Variants in ERC1 observed in about 807,000 individuals in gnomAD.
ERC1 encodes RAB6 interacting protein 2.
ERC1 carries 56 observed loss-of-function variants against 132.0 expected under a neutral mutation model. That is an observed-to-expected ratio of 0.42 (90% confidence interval 0.34 to 0.53). ERC1 has a LOEUF of 0.53. Ranked by LOEUF, ERC1 falls within the 20% of genes least tolerant of loss-of-function variation. The pLI is 0.03. For synonymous variants in ERC1, 478 were observed against 476.1 expected, an observed-to-expected ratio of 1.00 and a Z score of -0.05; for missense variants, 1,202 against 1,349.9, an observed-to-expected ratio of 0.89 and a Z score of 1.72.
At chr12:1,240,233 AAC>A (rs1375242235) in intron 13 of ERC1, among the ~76,000 whole-genome samples, 2 of 152,204 alleles carry the variant, frequency 1.3e-5, no homozygotes, top group African/African-American at 4.8e-5. Flanking sequence ...CCAGTGCCCT[AAC>A]ACTGGGATTT....
At chr12:1,265,717 G>A (rs537005191) in intron 14 of ERC1, among the ~76,000 whole-genome samples, 6 of 152,140 alleles carry the variant, frequency 3.9e-5, no homozygotes, top group African/African-American at 1.4e-4. Flanking sequence ...ATGCCCCACC[G>A]ATTTATTCCT....
intron 17 of ERC1, among the ~76,000 whole-genome samples, chr12:1,433,680 C>T (rs1261097677): frequency 7.2e-5 from 11 of 152,118 alleles, no homozygotes; most frequent in Admixed American, 6.6e-4. Flanking sequence ...AACAAGATGG[C>T]GGAGACTTTA....
intron 2 of ERC1, among the ~76,000 whole-genome samples, chr12:1,039,271 A>G (rs1280159573): frequency 6.0e-5 from 9 of 151,176 alleles, no homozygotes; most frequent in South Asian, 4.2e-4. Context: ...CGGGAGGCGG[A>G]GTTTGCAGTC....
chr12:996,990 C>T (rs557662032), intron 1 of ERC1, among the ~76,000 whole-genome samples: 1 of 152,312 alleles, frequency 6.6e-6, no homozygotes, highest in African/African-American at 2.4e-5. Context: ...GCGGTTATAG[C>T]TTACTGCAAC....
intron 16 of ERC1, among the ~76,000 whole-genome samples, chr12:1,394,208 G>A (rs1038899948): frequency 2.3e-4 from 34 of 150,816 alleles, no homozygotes; most frequent in South Asian, 6.3e-4. Flanking sequence ...AGACCATCCT[G>A]GCTAACACGG....
intron 18 of ERC1, among the ~76,000 whole-genome samples, chr12:1,477,189 A>G (rs2093991355): frequency 6.6e-6 from 1 of 152,108 alleles, no homozygotes; most frequent in African/African-American, 2.4e-5. Flanking sequence ...TACATGTGAT[A>G]TTTTCTGTGA....
At chr12:1,476,059 C>G (rs1176752815) in intron 18 of ERC1, among the ~76,000 whole-genome samples, 1 of 151,594 alleles carries the variant, frequency 6.6e-6, no homozygotes, top group African/African-American at 2.4e-5. Flanking sequence ...GTCAGGAGAT[C>G]GAGACCATCC....
At chr12:1,490,047 A>T (rs745644639) in intron 18 of ERC1, 46 bp from the exon 19 acceptor site, 2 of 1,598,032 alleles carry the variant, frequency 1.3e-6, no homozygotes, top group Admixed American at 1.7e-5. Flanking sequence ...AGCTCAGTGC[A>T]AATGGGATTG....
intron 15 of ERC1, among the ~76,000 whole-genome samples, chr12:1,330,760 C>G (rs562517633): frequency 3.3e-4 from 51 of 152,252 alleles, no homozygotes; most frequent in Admixed American, 3.3e-3. Context: ...CTCCCAAATA[C>G]TGTTTTCTCT....
intron 7 of ERC1, among the ~76,000 whole-genome samples, chr12:1,127,891 G>A (rs4372511): frequency 0.61 from 93,330 of 151,960 alleles, 30,969 homozygotes; most frequent in East Asian, 0.87. Flanking sequence ...AGTGAGATAG[G>A]GATCTGAAGC....
intron 18 of ERC1, among the ~76,000 whole-genome samples, chr12:1,472,053 C>G (rs2093873482): frequency 6.6e-6 from 1 of 152,160 alleles, no homozygotes; most frequent in Non-Finnish European, 1.5e-5. Flanking sequence ...GCTGATGAGT[C>G]TAAATTTCAG....
At chr12:1,167,712 CTTTTCTTTTTTT>C (rs1398885433) in intron 8 of ERC1, among the ~76,000 whole-genome samples, 1 of 145,526 alleles carries the variant, frequency 6.9e-6, no homozygotes, top group African/African-American at 2.5e-5. Flanking sequence ...CTTCTTTTTT[CTTTTCTTTTTTT>C]TTTTTTTTCC....
chr12:1,488,231 C>T (rs1285376213), intron 18 of ERC1, among the ~76,000 whole-genome samples: 1 of 152,156 alleles, frequency 6.6e-6, no homozygotes, highest in Non-Finnish European at 1.5e-5. Flanking sequence ...TTCCCCCACC[C>T]TCAGCCTCCC....
chr12:1,295,408 A>C (rs73031205), intron 15 of ERC1, among the ~76,000 whole-genome samples: 15 of 152,162 alleles, frequency 9.9e-5, no homozygotes, highest in Non-Finnish European at 2.2e-4. Flanking sequence ...GCCAGGTATC[A>C]TGATTCCTGG....
At chr12:1,218,820 A>G (rs1004067118) in intron 12 of ERC1, among the ~76,000 whole-genome samples, 1 of 125,652 alleles carries the variant, frequency 8.0e-6, no homozygotes, top group Admixed American at 7.4e-5. Flanking sequence ...TCCTATTCTC[A>G]TATATATATA....
chr12:1,346,874 G>A (rs1239632339), intron 15 of ERC1, among the ~76,000 whole-genome samples: 4 of 149,832 alleles, frequency 2.7e-5, no homozygotes, highest in Non-Finnish European at 4.4e-5. Context: ...CCCGGGAAGC[G>A]GAGCTTGCAG....
At chr12:993,710 T>A (rs1301058466) in intron 1 of ERC1, among the ~76,000 whole-genome samples, 1 of 152,156 alleles carries the variant, frequency 6.6e-6, no homozygotes, top group Non-Finnish European at 1.5e-5. Context: ...GAGACTAGCC[T>A]GGCCAACATG....
At chr12:1,037,880 T>C (rs893019054) in intron 2 of ERC1, among the ~76,000 whole-genome samples, 4 of 151,630 alleles carry the variant, frequency 2.6e-5, no homozygotes, top group Non-Finnish European at 1.5e-5. Context: ...CTGTCTCTAC[T>C]AAAAATGCAA....
Position 1,213,063 on chromosome 12 carries a change from C to T in ERC1, c.2351+23011C>T, listed in dbSNP as rs977192841. Among the ~76,000 whole-genome samples the T allele has an allele frequency of 4.6e-5, 7 of 152,310 alleles. 1 individual carries two copies. Among genetic ancestry groups the T allele is most frequent in the Middle Eastern group, 3.4e-3 (1 of 294 alleles). ...GCTTATTTTTTAGTTGTCTAGTAAT[C>T]CCGATTCTGCCCTTTGTGAGGTTAG... On this transcript the variant is annotated intron_variant, in intron 12 of 18. Transcript: ENST00000360905.
Sources: allele counts gnomAD v4.1 joint callset (sites outside exome capture counted in the v4.1 genomes callset), GRCh38; gene constraint gnomAD v4.1.1; transcripts MANE v1.5; gene names NCBI Gene and HGNC (gene_info 2026-07-23, HGNC 2026-07-21).